The following RABGAP1L variants were observed in gnomAD, a reference collection of about 807,000 sequenced individuals.
RABGAP1L encodes the protein rab GTPase-activating protein 1-like.
RABGAP1L carries 63 observed loss-of-function variants against 137.7 expected under a neutral mutation model. The observed-to-expected ratio is 0.46, with a 90% CI of 0.37 to 0.56. RABGAP1L has a LOEUF of 0.56. Among genes scored for constraint, RABGAP1L ranks in the 20% least tolerant of loss-of-function variants. The probability of loss-of-function intolerance (pLI) is 0.00; values close to 1 mark genes in which losing one functional copy is unlikely to be tolerated. For synonymous variants in RABGAP1L, 431 were observed against 433.7 expected (o/e 0.99, Z 0.08); for missense variants, 1,095 against 1,244.0 (o/e 0.88, Z 1.80).
chr1:174,450,494 AT>A (rs1655313332), intron 13 of RABGAP1L, among the ~76,000 whole-genome samples: 1 of 152,220 alleles, frequency 6.6e-6, no homozygotes, highest in Non-Finnish European at 1.5e-5. Context: ...TGTAATTGTT[AT>A]TTAGATATTT....
At position 174,843,349 on chromosome 1, in the gene RABGAP1L, G is replaced by A. The variant is rs1693644789; in HGVS notation, c.2340+31389G>A. Among the ~76,000 whole-genome samples, 3 of 150,512 alleles carry A rather than the reference G, an allele frequency of 2.0e-5. No individual in the cohort carries two copies. The South Asian group carries it at 6.3e-4, about 32-fold the overall frequency. ...CCACTAACTCGTCATCTAGCATTAGGTATATCTCCCAATGCTATCCCTCCC... is the reference window on the plus strand; with the variant it reads ...CCACTAACTCGTCATCTAGCATTAGATATATCTCCCAATGCTATCCCTCCC... On this transcript the variant is annotated intron_variant, in intron 19 of 25. Transcript: ENST00000681986.
chr1:174,434,046 C>T (rs1652948920), intron 13 of RABGAP1L, among the ~76,000 whole-genome samples: 1 of 151,130 alleles, frequency 6.6e-6, no homozygotes. Flanking sequence ...CTGAAAGTTC[C>T]CTCATACCTC....
At chr1:174,976,021 C>A in intron 21 of RABGAP1L, 57 bp from the exon 22 acceptor site, 1 of 1,436,270 alleles carries the variant, frequency 7.0e-7, no homozygotes, top group Non-Finnish European at 9.5e-7. Flanking sequence ...TTTCCACACA[C>A]TTTCTTTACC....
At chr1:174,539,011 GT>G (rs1558320060) in intron 13 of RABGAP1L, among the ~76,000 whole-genome samples, 1 of 152,048 alleles carries the variant, frequency 6.6e-6, no homozygotes. Context: ...AGTTAAATAA[GT>G]TGCCCGGGGT....
rs376838087 is a variant in RABGAP1L, at chr1:174,307,985, GC to G, written c.1465+2859del. On this transcript the variant is annotated intron_variant, in intron 11 of 25. Transcript: ENST00000681986. ...CACATCCTTGGAAACACTTACTTTTGCTTTTTGGTAATAGCCGTTTTAATGG... is the reference window on the plus strand; with the variant it reads ...CACATCCTTGGAAACACTTACTTTTGTTTTTGGTAATAGCCGTTTTAATGG... Among the ~76,000 whole-genome samples the G allele has an allele frequency of 3.8e-3, 582 of 151,902 alleles. 4 individuals carry two copies. The highest frequency in any genetic ancestry group is 0.012 in the African/African-American group (502 of 41,498).
intron 18 of RABGAP1L, chr1:174,800,006 C>G: frequency 9.0e-7 from 1 of 1,115,952 alleles, no homozygotes; most frequent in Non-Finnish European, 1.1e-6. Flanking sequence ...ATGCTAGACC[C>G]TTCTAAGCAG....
intron 11 of RABGAP1L, among the ~76,000 whole-genome samples, chr1:174,349,744 A>C (rs1163774509): frequency 5.6e-5 from 6 of 107,440 alleles, no homozygotes; most frequent in Admixed American, 9.4e-5. Context: ...TGACCCCCCC[A>C]CCTCCCTCCC....
Position 174,455,445 on chromosome 1 carries a change from T to C in RABGAP1L, c.1710+61300T>C, listed in dbSNP as rs1376649996. Among the ~76,000 whole-genome samples the C allele has an allele frequency of 7.2e-5, 11 of 152,244 alleles. No homozygotes were observed. The East Asian group carries it at 2.1e-3, about 29-fold the overall frequency. ...TTTTAATTGCAAGGCACAAACAAGG[T>C]ACAGAGTTGTATGACCTGTTCTTTA... On this transcript the variant is annotated intron_variant, in intron 13 of 25. Transcript: ENST00000681986.
intron 16 of RABGAP1L, among the ~76,000 whole-genome samples, chr1:174,699,878 T>C (rs372549233): frequency 6.6e-6 from 1 of 152,226 alleles, no homozygotes; most frequent in Non-Finnish European, 1.5e-5. Context: ...AAGTTAAATA[T>C]ACTTTGAAGT....
At chr1:174,940,288 A>G (rs762806346) in intron 19 of RABGAP1L, among the ~76,000 whole-genome samples, 2 of 147,730 alleles carry the variant, frequency 1.4e-5, no homozygotes, top group Non-Finnish European at 3.0e-5. Context: ...TTTCTGAGAC[A>G]GGATCCTGCT....
intron 21 of RABGAP1L, among the ~76,000 whole-genome samples, chr1:174,970,297 G>A (rs1039748806): frequency 6.6e-6 from 1 of 152,334 alleles, no homozygotes; most frequent in South Asian, 2.1e-4. Flanking sequence ...AGACTGTTGA[G>A]ATAAGTCAGT....
chr1:174,852,720 G>A (rs1256999528), intron 19 of RABGAP1L, among the ~76,000 whole-genome samples: 2 of 152,062 alleles, frequency 1.3e-5, no homozygotes, highest in East Asian at 1.9e-4. Context: ...GGAGGCTGAG[G>A]CAAGAGAATC....
At chr1:174,850,202 A>G (rs964885345) in intron 19 of RABGAP1L, 5 of 351,874 alleles carry the variant, frequency 1.4e-5, no homozygotes, top group African/African-American at 1.1e-4. Context: ...GGTTTACGCC[A>G]CACGTGGGAA....
At chr1:174,624,137 A>G (rs1572572997) in intron 13 of RABGAP1L, among the ~76,000 whole-genome samples, 1 of 152,158 alleles carries the variant, frequency 6.6e-6, no homozygotes, top group African/African-American at 2.4e-5. Context: ...AGTCACATCT[A>G]CTGGGCATGC....
intron 13 of RABGAP1L, among the ~76,000 whole-genome samples, chr1:174,422,135 G>A (rs1306399139): frequency 6.6e-6 from 1 of 152,106 alleles, no homozygotes; most frequent in African/African-American, 2.4e-5. Context: ...TGTTGCATAG[G>A]TACCCGTACT....
chr1:174,347,205 T>G (rs547631729), intron 11 of RABGAP1L, among the ~76,000 whole-genome samples: 1 of 152,318 alleles, frequency 6.6e-6, no homozygotes, highest in South Asian at 2.1e-4. Flanking sequence ...CTGGATCAAA[T>G]GTTCTACAAA....
intron 19 of RABGAP1L, among the ~76,000 whole-genome samples, chr1:174,863,038 G>T (rs116601105): frequency 0.021 from 3,131 of 151,466 alleles, 119 homozygotes; most frequent in African/African-American, 0.073. Flanking sequence ...GGGACTACAG[G>T]CGCACCTACC....
chr1:174,346,613 T>C (rs1268889016), intron 11 of RABGAP1L, among the ~76,000 whole-genome samples: 1 of 152,092 alleles, frequency 6.6e-6, no homozygotes, highest in Non-Finnish European at 1.5e-5. Flanking sequence ...TGATTTCATT[T>C]ATTTGGGGCT....
intron 13 of RABGAP1L, among the ~76,000 whole-genome samples, chr1:174,606,010 G>T (rs1259062677): frequency 6.6e-6 from 1 of 152,068 alleles, no homozygotes; most frequent in Non-Finnish European, 1.5e-5. Context: ...ACTGAAAGGG[G>T]CTCTTTTCAA....
Sources: gnomAD v4.1 joint callset for allele counts (sites outside exome capture counted in the v4.1 genomes callset) on GRCh38, gnomAD v4.1.1 for gene constraint, MANE v1.5 for transcripts, NCBI Gene and HGNC (gene_info 2026-07-23, HGNC 2026-07-21) for gene names.